The following SLC17A4 variants were observed in gnomAD, a reference collection of about 807,000 sequenced individuals.
SLC17A4 encodes solute carrier family 17 member 4, also known as probable small intestine urate exporter.
SLC17A4 carries 33 observed loss-of-function variants against 52.5 expected under a neutral mutation model. The observed-to-expected ratio is 0.63, with a 90% confidence interval of 0.48 to 0.84. The LOEUF (loss-of-function observed/expected upper bound fraction) is 0.84, where lower values mean the gene tolerates loss of function less well. Ranked by LOEUF, SLC17A4 falls within the 40% of genes least tolerant of loss-of-function variation. The probability of loss-of-function intolerance (pLI) is 0.00; values close to 1 mark genes in which losing one functional copy is unlikely to be tolerated. For missense variants in SLC17A4, 585 were observed against 597.1 expected, an observed-to-expected ratio of 0.98 and a Z score of 0.21; for synonymous variants, 225 against 216.2, an observed-to-expected ratio of 1.04 and a Z score of -0.36.
chr6:25,758,609 T>G (rs1300305358), intron 1 of SLC17A4, among the ~76,000 whole-genome samples: 1 of 152,226 alleles, frequency 6.6e-6, no homozygotes, highest in African/African-American at 2.4e-5. Flanking sequence ...GAATGATATT[T>G]TGTATTTCTC....
chr6:25,756,491 A>T (rs112701784), intron 1 of SLC17A4, among the ~76,000 whole-genome samples: 5 of 151,752 alleles, frequency 3.3e-5, no homozygotes, highest in African/African-American at 1.2e-4. Flanking sequence ...TGGCATTCTT[A>T]CTTCTTTCTT....
rs187161976 is a variant in SLC17A4, at chr6:25,769,780, G to A, written c.298-287G>A. ...TTTGTCTGCTTTTTCTTCCTTCCAC[G>A]TATTTTTTTTTTACTACCTTGCTTA... On this transcript the variant is annotated intron_variant, in intron 3 of 11. Coordinates refer to ENST00000377905, the MANE Select transcript of SLC17A4 (RefSeq NM_005495.3). Among the ~76,000 whole-genome samples the A allele has an allele frequency of 1.8e-4, 28 of 151,482 alleles. No individual in the cohort carries two copies. In the South Asian group the frequency reaches 3.5e-3, roughly 19 times the overall value.
chr6:25,755,697 G>C (rs1760955302), intron 1 of SLC17A4, among the ~76,000 whole-genome samples: 1 of 152,068 alleles, frequency 6.6e-6, no homozygotes, highest in African/African-American at 2.4e-5. Flanking sequence ...TTCTACAAAG[G>C]CCCTTCTGTT....
At position 25,770,209 on chromosome 6, in the gene SLC17A4, T is replaced by C. The variant is rs1582699317; in HGVS notation, c.440T>C (p.Ile147Thr). 1 of 1,614,128 alleles carries C rather than the reference T, an allele frequency of 6.2e-7. No homozygotes were observed. Among genetic ancestry groups the C allele is most frequent in the East Asian group, 2.2e-5 (1 of 44,890 alleles). The part of the protein sequence containing the change: ...AKYVVGAGLF[I>T]SSFLTLFIPL... The stretch of plus-strand genomic sequence containing the variant: ...TATGTGGTTGGTGCTGGCTTGTTTA[T>C]TTCCTCATTCCTGACCCTCTTCATT... The change falls in exon 4 of 12, where the codon ATT (isoleucine) becomes ACT (threonine). Residue 147 changes from isoleucine (I) to threonine (T), a missense_variant. Physicochemically the swap from Ile to Thr is moderately conservative, Grantham distance 89. Transcript: ENST00000377905.
chr6:25,767,617 A>G (rs1762131095), intron 2 of SLC17A4, among the ~76,000 whole-genome samples: 2 of 152,184 alleles, frequency 1.3e-5, no homozygotes, highest in Admixed American at 6.5e-5. Flanking sequence ...GTAGGAACAG[A>G]GTAGTTTAAT....
chr6:25,765,425 C>A, intron 2 of SLC17A4, among the ~76,000 whole-genome samples: 1 of 152,202 alleles, frequency 6.6e-6, no homozygotes, highest in East Asian at 1.9e-4. Context: ...ATCATCCAGG[C>A]ACAAAGAGGT....
At chr6:25,756,695 A>C (rs1477107956) in intron 1 of SLC17A4, among the ~76,000 whole-genome samples, 2 of 152,190 alleles carry the variant, frequency 1.3e-5, no homozygotes, top group Non-Finnish European at 2.9e-5. Context: ...ATAATAAGTA[A>C]AAGGAGAGGG....
At chr6:25,761,898 T>C in intron 1 of SLC17A4, 29 bp from the exon 2 acceptor site, 1 of 1,319,856 alleles carries the variant, frequency 7.6e-7, no homozygotes, top group African/African-American at 1.5e-5. Context: ...ATTCTCCCTG[T>C]ATTTTCTTTT....
chr6:25,773,245 T>C (rs751596356), intron 6 of SLC17A4, 30 bp from the exon 7 acceptor site: 1 of 1,543,036 alleles, frequency 6.5e-7, no homozygotes, highest in Non-Finnish European at 9.0e-7. Flanking sequence ...CTTCAATCCA[T>C]CCAGTGCTAA....
chr6:25,775,067 T>C (rs1014767016), intron 8 of SLC17A4, among the ~76,000 whole-genome samples: 4 of 152,138 alleles, frequency 2.6e-5, no homozygotes, highest in African/African-American at 9.7e-5. Context: ...TGGTGGCTCA[T>C]GCCTATAATC....
In SLC17A4 at chr6:25,755,017, G is replaced by T. The variant is rs74293918; in HGVS notation, c.-37+236G>T. On this transcript the variant is annotated intron_variant, in intron 1 of 11. Transcript: ENST00000377905. The stretch of plus-strand genomic sequence containing the variant: ...AATGAAATTTTCTAAAAGTATAGCT[G>T]AACAGAGACAGACAGACAGACACAC... Among the ~76,000 whole-genome samples, 249 of 145,110 alleles carry T rather than the reference G, an allele frequency of 1.7e-3. 5 individuals are homozygous for T. The East Asian group carries it at 0.028, about 16-fold the overall frequency.
chr6:25,775,584 T>TACC (rs1273545039), intron 8 of SLC17A4, among the ~76,000 whole-genome samples: 1 of 151,960 alleles, frequency 6.6e-6, no homozygotes, highest in African/African-American at 2.4e-5. Flanking sequence ...CACAGGCGTG[T>TACC]ACCACCATGC....
At chr6:25,764,531 C>G (rs189498590) in intron 2 of SLC17A4, among the ~76,000 whole-genome samples, 1 of 152,302 alleles carries the variant, frequency 6.6e-6, no homozygotes, top group Admixed American at 6.5e-5. Flanking sequence ...CTAAATCTTG[C>G]AGACAGATTT....
intron 5 of SLC17A4, 50 bp from the exon 6 acceptor site, chr6:25,770,876 G>A (rs1462096979): frequency 1.4e-6 from 2 of 1,410,104 alleles, no homozygotes; most frequent in East Asian, 2.3e-5. Context: ...AGCACATAGA[G>A]CCCCAAGACG....
intron 8 of SLC17A4, among the ~76,000 whole-genome samples, chr6:25,776,348 CT>C (rs1229415901): frequency 6.7e-6 from 1 of 149,928 alleles, no homozygotes. Flanking sequence ...GGGTTTTGGT[CT>C]TTTAAATATT....
rs1410725388 is a variant in SLC17A4, at chr6:25,769,018, T to C, written c.125T>C (p.Ile42Thr). The C allele has an allele frequency of 3.1e-6, 5 of 1,613,960 alleles. No individual in the cohort carries two copies. Among genetic ancestry groups the C allele is most frequent in the Non-Finnish European group, 2.5e-6 (3 of 1,180,004 alleles). ...FCSVRHGLALILQLCNFSIYT... is the reference protein window; with the variant it reads ...FCSVRHGLALTLQLCNFSIYT... The stretch of plus-strand genomic sequence containing the variant: ...TCAGTCCGACATGGGCTGGCCCTCA[T>C]CTTGCAGCTCTGTAATTTTTCAATT... The change falls in exon 3 of 12, where the codon ATC becomes ACC. Residue 42 changes from isoleucine (I) to threonine (T), a missense_variant. By Grantham distance (89) the Ile-to-Thr change is moderately conservative. Coordinates refer to ENST00000377905, the MANE Select transcript of SLC17A4 (RefSeq NM_005495.3).
At chr6:25,759,011 A>G (rs980441346) in intron 1 of SLC17A4, among the ~76,000 whole-genome samples, 4 of 152,148 alleles carry the variant, frequency 2.6e-5, no homozygotes, top group Admixed American at 2.6e-4. Context: ...GTTGTCGTTC[A>G]GTTCAAAGAA....
chr6:25,774,869 C>T (rs1314936553), intron 8 of SLC17A4, among the ~76,000 whole-genome samples: 4 of 152,216 alleles, frequency 2.6e-5, no homozygotes, highest in East Asian at 3.8e-4. Context: ...CCTCGGCTTA[C>T]GCATCTGTAA....
chr6:25,757,903 C>T (rs191532066), intron 1 of SLC17A4, among the ~76,000 whole-genome samples: 85 of 152,278 alleles, frequency 5.6e-4, no homozygotes, highest in Admixed American at 5.9e-4. Context: ...TCAGGCAGTC[C>T]GCCCTGTCTT....
Sources: gnomAD v4.1 joint callset for allele counts (sites outside exome capture counted in the v4.1 genomes callset) on GRCh38, gnomAD v4.1.1 for gene constraint, MANE v1.5 for transcripts, NCBI Gene and HGNC (gene_info 2026-07-23, HGNC 2026-07-21) for gene names.